Variants in NXPH1 observed in about 807,000 individuals in gnomAD.
The protein encoded by NXPH1 is neurexophilin 1, also known as neurexophilin-1.
Under a neutral mutation model 23.7 loss-of-function variants are expected in NXPH1, and 5 were observed. That is an observed-to-expected ratio of 0.21 (90% CI 0.11 to 0.44). The LOEUF (loss-of-function observed/expected upper bound fraction) is 0.44. Ranked by LOEUF, NXPH1 falls within the 20% of genes least tolerant of loss-of-function variation. The pLI, the probability that NXPH1 is intolerant of heterozygous loss-of-function variation, is 0.99. For missense variants in NXPH1, 324 were observed against 321.6 expected (o/e 1.01, Z -0.06); for synonymous variants, 144 against 122.2 (o/e 1.18, Z -1.18).
At chr7:8,606,242 T>C (rs1448678842) in intron 2 of NXPH1, among the ~76,000 whole-genome samples, 1 of 152,140 alleles carries the variant, frequency 6.6e-6, no homozygotes, top group Non-Finnish European at 1.5e-5. Context: ...AGGAAAATTG[T>C]ATATTTTGTA....
At chr7:8,449,390 G>C (rs1461043089) in intron 2 of NXPH1, among the ~76,000 whole-genome samples, 3 of 152,166 alleles carry the variant, frequency 2.0e-5, no homozygotes, top group Admixed American at 6.5e-5. Context: ...TACTAGAAAG[G>C]ATAAAACGTT....
At chr7:8,734,822 C>G (rs1780221071) in intron 2 of NXPH1, among the ~76,000 whole-genome samples, 1 of 152,034 alleles carries the variant, frequency 6.6e-6, no homozygotes, top group Non-Finnish European at 1.5e-5. Context: ...GTGTGGAAGT[C>G]TAAGTCTCTT....
At chr7:8,600,702 T>C (rs1486052870) in intron 2 of NXPH1, among the ~76,000 whole-genome samples, 1 of 152,220 alleles carries the variant, frequency 6.6e-6, no homozygotes, top group Non-Finnish European at 1.5e-5. Context: ...CTATTACTTA[T>C]GATTGACTTT....
intron 2 of NXPH1, among the ~76,000 whole-genome samples, chr7:8,521,720 T>C (rs1817774658): frequency 6.6e-6 from 1 of 152,188 alleles, no homozygotes; most frequent in Non-Finnish European, 1.5e-5. Flanking sequence ...ACTGATTGAA[T>C]GTTAAATCAT....
At chr7:8,455,020 T>C (rs1816570579) in intron 2 of NXPH1, among the ~76,000 whole-genome samples, 2 of 152,178 alleles carry the variant, frequency 1.3e-5, no homozygotes, top group South Asian at 2.1e-4. Context: ...ATGATGCTGT[T>C]TTTTTCATTT....
chr7:8,632,509 A>G (rs1381490984), intron 2 of NXPH1, among the ~76,000 whole-genome samples: 1 of 152,072 alleles, frequency 6.6e-6, no homozygotes, highest in Admixed American at 6.6e-5. Flanking sequence ...TTTAAGGGTT[A>G]TCCTTTGATT....
chr7:8,608,865 G>A (rs1819559136), intron 2 of NXPH1, among the ~76,000 whole-genome samples: 2 of 152,114 alleles, frequency 1.3e-5, no homozygotes, highest in African/African-American at 4.8e-5. Context: ...ATACTAGGGA[G>A]TTTTTGATCA....
intron 2 of NXPH1, among the ~76,000 whole-genome samples, chr7:8,642,954 T>C: frequency 6.6e-6 from 1 of 152,104 alleles, no homozygotes; most frequent in Non-Finnish European, 1.5e-5. Context: ...AACCTCCATC[T>C]CCTGGGTTCA....
At chr7:8,725,288 G>A (rs1354430453) in intron 2 of NXPH1, among the ~76,000 whole-genome samples, 1 of 151,986 alleles carries the variant, frequency 6.6e-6, no homozygotes, top group Non-Finnish European at 1.5e-5. Context: ...CCAGGAGTTC[G>A]AGACCAACCT....
intron 2 of NXPH1, among the ~76,000 whole-genome samples, chr7:8,684,338 G>C (rs1041019279): frequency 6.6e-5 from 10 of 152,056 alleles, no homozygotes; most frequent in African/African-American, 2.4e-4. Context: ...TGGTATCCTG[G>C]CCTTGAAACT....
chr7:8,490,799 A>G (rs566703201), intron 2 of NXPH1, among the ~76,000 whole-genome samples: 1 of 152,226 alleles, frequency 6.6e-6, no homozygotes, highest in South Asian at 2.1e-4. Context: ...CCCAAGCGAT[A>G]TAATTTAATC....
intron 2 of NXPH1, among the ~76,000 whole-genome samples, chr7:8,517,438 C>T (rs377130174): frequency 2.0e-5 from 3 of 152,186 alleles, no homozygotes; most frequent in East Asian, 3.9e-4. Flanking sequence ...GCTGGGGGCA[C>T]AGTTCGGTGC....
chr7:8,525,135 A>T (rs552327402), intron 2 of NXPH1, among the ~76,000 whole-genome samples: 1 of 152,340 alleles, frequency 6.6e-6, no homozygotes, highest in East Asian at 1.9e-4. Context: ...AATAAAATTT[A>T]GGGTGAGGTG....
intron 2 of NXPH1, among the ~76,000 whole-genome samples, chr7:8,504,685 T>A (rs1313488295): frequency 6.6e-6 from 1 of 151,950 alleles, no homozygotes; most frequent in Non-Finnish European, 1.5e-5. Flanking sequence ...CCCCCTAAAG[T>A]GATGATGTTA....
At chr7:8,456,629 T>A (rs1207718187) in intron 2 of NXPH1, among the ~76,000 whole-genome samples, 2 of 147,054 alleles carry the variant, frequency 1.4e-5, no homozygotes, top group Non-Finnish European at 2.9e-5. Context: ...AAAACGTAAC[T>A]TTTTTTTTGT....
intron 2 of NXPH1, among the ~76,000 whole-genome samples, chr7:8,516,675 A>T (rs560409599): frequency 1.3e-5 from 2 of 152,218 alleles, no homozygotes; most frequent in South Asian, 4.1e-4. Context: ...TTTATTATAT[A>T]CTTTCAGTTA....
At chr7:8,721,514 G>A (rs962762618) in intron 2 of NXPH1, among the ~76,000 whole-genome samples, 1 of 152,142 alleles carries the variant, frequency 6.6e-6, no homozygotes, top group African/African-American at 2.4e-5. Flanking sequence ...TGTGGCTCAC[G>A]CCTGTAATCC....
chr7:8,738,394 G>T (rs1420638660), intron 2 of NXPH1, among the ~76,000 whole-genome samples: 1 of 152,212 alleles, frequency 6.6e-6, no homozygotes, highest in Non-Finnish European at 1.5e-5. Context: ...CTGCAGGTCT[G>T]TTGGAGTTTG....
At chr7:8,579,196 T>A (rs1818815633) in intron 2 of NXPH1, among the ~76,000 whole-genome samples, 1 of 152,120 alleles carries the variant, frequency 6.6e-6, no homozygotes, top group South Asian at 2.1e-4. Context: ...TTTATTAGAG[T>A]ATCCTTGACA....
Sources: allele counts gnomAD v4.1 joint callset (sites outside exome capture counted in the v4.1 genomes callset), GRCh38; gene constraint gnomAD v4.1.1; transcripts MANE v1.5; gene names NCBI Gene and HGNC (gene_info 2026-07-23, HGNC 2026-07-21).